LCT: variants seen among roughly 807,000 people sequenced by gnomAD.
LCT encodes lactase/phlorizin hydrolase.
In LCT, 90 loss-of-function variants were observed where a neutral mutation model predicts 173.0. The observed-to-expected ratio is 0.52, with a 90% CI of 0.44 to 0.62. The LOEUF (loss-of-function observed/expected upper bound fraction) is 0.62. Among genes scored for constraint, LCT ranks in the 20% least tolerant of loss-of-function variants. The pLI is 0.00. For synonymous variants in LCT, 853 were observed against 957.6 expected, an observed-to-expected ratio of 0.89 and a Z score of 2.02; for missense variants, 1,864 against 2,431.4, an observed-to-expected ratio of 0.77 and a Z score of 4.91.
chr2:135,835,839 G>C (rs976748602), intron 1 of LCT, among the ~76,000 whole-genome samples: 1 of 150,816 alleles, frequency 6.6e-6, no homozygotes, highest in Admixed American at 6.6e-5. Context: ...TAGGGGAGCC[G>C]AGGGGGAAGG....
intron 10 of LCT, among the ~76,000 whole-genome samples, chr2:135,804,508 C>T (rs1326386025): frequency 6.6e-6 from 1 of 152,132 alleles, no homozygotes; most frequent in African/African-American, 2.4e-5. Flanking sequence ...ACAGTGAAAC[C>T]CCGTCTCTAC....
rs1026967156 is a variant in LCT, at chr2:135,802,899, G to A, written c.4663+1031C>T. Among the ~76,000 whole-genome samples the A allele has an allele frequency of 7.2e-5, 11 of 152,138 alleles. No individual in the cohort carries two copies. In the South Asian group the frequency reaches 1.2e-3, roughly 17 times the overall value. The stretch of plus-strand genomic sequence containing the variant: ...GGCTGAGGCGGGCGGATTACCTGAG[G>A]TCACGAGTTCGAGACCAGCCTGGCC... On this transcript the variant is annotated intron_variant, in intron 11 of 16. Transcript: ENST00000264162.
chr2:135,836,704 T>G lies in LCT; in HGVS notation c.466A>C (p.Thr156Pro). 6.2e-7 allele frequency: 1 copy of G among 1,614,154 alleles called. No individual in the cohort carries two copies. ...AFADLFADYA[T>P]FAFHSFGDLV... ...TCCCCGAAGGAGTGGAAGGCGAATG[T>G]GGCATAGTCGGCGAAGAGGTCAGCA... Residue 156 changes from threonine to proline, a missense_variant, in exon 1 of 17, where the codon ACA becomes CCA. Thr to Pro is a conservative substitution (Grantham distance 38). Around this residue, in one of 4 missense-constraint regions of LCT, gnomAD observed 412 missense variants for 462.0 expected, o/e 0.89. Transcript: ENST00000264162.
rs201668742 is a variant in LCT, at chr2:135,808,516, C to T, written c.3831G>A (p.Gly1277=). ...IPIYITENGV[G]LTNPNTEDTD... ...TATCCTCCGTGTTCGGATTGGTCAG[C>T]CCCACTCCGTTTTCGGTGATGTAAA... The change falls in exon 8 of 17, where the codon GGG becomes GGA. Residue 1277 remains glycine, a synonymous_variant. Coordinates refer to ENST00000264162, the MANE Select transcript of LCT (RefSeq NM_002299.4). 26 of 1,614,188 alleles carry T rather than the reference C, an allele frequency of 1.6e-5. No individual in the cohort carries two copies. The East Asian group carries it at 4.5e-4, about 28-fold the overall frequency.
At position 135,804,728 on chromosome 2, in the gene LCT, ATGTGGACT is replaced by A. The variant is rs763882561; in HGVS notation, c.4464+31_4464+38del. On this transcript the variant is annotated intron_variant, in intron 10 of 16. Transcript: ENST00000264162. Reference sequence around the variant, plus strand: ...CTCCCCCAGCCCTGCTGGTTCCTGCATGTGGACTTTCCCAAGGCCTTGCCAGGACCCAC... The same window carrying A: ...CTCCCCCAGCCCTGCTGGTTCCTGCATTCCCAAGGCCTTGCCAGGACCCAC... 3.1e-6 allele frequency: 5 copies of A among 1,596,654 alleles called. No homozygotes were observed. In the East Asian group the frequency reaches 8.9e-5, roughly 28 times the overall value.
Position 135,824,278 on chromosome 2 carries a change from A to G in LCT, c.805-275T>C, listed in dbSNP as rs1470457. Among the ~76,000 whole-genome samples, 59,179 of 152,044 alleles carry G rather than the reference A, an allele frequency of 0.39. 13,293 individuals carry two copies. Among genetic ancestry groups the G allele is most frequent in the Middle Eastern group, 0.7 (206 of 294 alleles). ...ACCTCTTAGAGCCAGGCACGGTGTT[A>G]GGATCAGGAACAAGGCCACTGCTCA... On this transcript the variant is annotated intron_variant, in intron 3 of 16. Coordinates refer to ENST00000264162, the MANE Select transcript of LCT (RefSeq NM_002299.4).
At chr2:135,804,336 C>T (rs750797403) in intron 10 of LCT, among the ~76,000 whole-genome samples, 10 of 152,150 alleles carry the variant, frequency 6.6e-5, no homozygotes, top group Non-Finnish European at 1.3e-4. Flanking sequence ...GGGAAGGAAA[C>T]TCTTTTATGC....
chr2:135,836,797 G>A lies in LCT; in HGVS notation c.373C>T (p.Leu125Phe), dbSNP rs1312535036. 1 of 1,614,218 alleles carries A rather than the reference G, an allele frequency of 6.2e-7. No homozygotes were observed. The highest frequency in any genetic ancestry group is 8.5e-7 in the Non-Finnish European group (1 of 1,180,038). Reference sequence around the variant, plus strand: ...TGGTGCAGGATGACCATGGGCTGAAGCCGTGCAGTCTTGAGGGCCTTGAGG... The same window carrying A: ...TGGTGCAGGATGACCATGGGCTGAAACCGTGCAGTCTTGAGGGCCTTGAGG... ...RLLKALKTARLQPMVILHHQT... is the reference protein window; with the variant it reads ...RLLKALKTARFQPMVILHHQT... The change falls in exon 1 of 17, where the codon CTT becomes TTT. Residue 125 changes from leucine to phenylalanine, a missense_variant. By Grantham distance (22) the Leu-to-Phe change is conservative (BLOSUM62 0). This residue lies in a region of LCT where 412 missense variants were observed against 462.0 expected (regional missense o/e 0.89). Transcript: ENST00000264162.
chr2:135,821,645 T>A (rs1214780313), intron 5 of LCT: 1 of 279,860 alleles, frequency 3.6e-6, no homozygotes, highest in East Asian at 9.6e-5. Context: ...TATGCCTGGC[T>A]AATTTTTGTA....
At position 135,812,527 on chromosome 2, in the gene LCT, C is replaced by T. The variant is rs371436630; in HGVS notation, c.2137G>A (p.Val713Met). The T allele has an allele frequency of 3.1e-6, 5 of 1,613,960 alleles. No homozygotes were observed. Among genetic ancestry groups the T allele is most frequent in the African/African-American group, 2.7e-5 (2 of 74,926 alleles). ...GAGGTCTGGGGCCACACATGGTTCA[C>T]GTGTTGGGAGAAGCCTCCAATGGTA... The part of the protein sequence containing the change: ...YDTIGGFSQH[V>M]NHVWPQTSSS... The change falls in exon 7 of 17, where the codon GTG becomes ATG. Residue 713 changes from valine (V) to methionine (M), a missense_variant. By Grantham distance (21) the Val-to-Met change is conservative. Transcript: ENST00000264162.
intron 5 of LCT, among the ~76,000 whole-genome samples, chr2:135,819,676 G>A (rs2105545065): frequency 6.6e-6 from 1 of 152,322 alleles, no homozygotes; most frequent in South Asian, 2.1e-4. Flanking sequence ...AGATTAGGGG[G>A]AAAGGGAAAT....
chr2:135,807,541 A>G (rs1050438675), intron 8 of LCT, 145 bp from the exon 9 acceptor site: 1 of 764,812 alleles, frequency 1.3e-6, no homozygotes, highest in African/African-American at 1.7e-5. Context: ...TCATCTGTTG[A>G]TCTTACTTTT....
chr2:135,825,471 C>T (rs757944814), intron 3 of LCT, among the ~76,000 whole-genome samples: 5 of 152,168 alleles, frequency 3.3e-5, no homozygotes, highest in South Asian at 2.1e-4. Context: ...TCCTGAAAGA[C>T]GGATATGCCA....
At chr2:135,805,343 G>A (rs1296831158) in intron 9 of LCT, among the ~76,000 whole-genome samples, 1 of 152,052 alleles carries the variant, frequency 6.6e-6, no homozygotes, top group African/African-American at 2.4e-5. Context: ...TCCTCTGGGA[G>A]CCTGCTCTGG....
chr2:135,829,830 AGT>A (rs60681905), intron 2 of LCT, among the ~76,000 whole-genome samples, 154 bp from the exon 3 acceptor site: 4 of 146,604 alleles, frequency 2.7e-5, no homozygotes, highest in Non-Finnish European at 6.0e-5. Context: ...GGAATGAGAA[AGT>A]GTGTGTGTGT....
intron 3 of LCT, among the ~76,000 whole-genome samples, chr2:135,826,140 T>C (rs1051515012): frequency 1.3e-5 from 2 of 152,204 alleles, no homozygotes; most frequent in African/African-American, 2.4e-5. Context: ...AAGGAATAGA[T>C]AACCATTGCA....
chr2:135,790,348 G>A lies in LCT; in HGVS notation c.5335+310C>T, dbSNP rs1301544444. ...GCAACCACACAGCCTACTCCTCCTG[G>A]GCCCTACCCAGACCATTCTCAGGAG... On this transcript the variant is annotated intron_variant, in intron 15 of 16. Coordinates refer to ENST00000264162, the MANE Select transcript of LCT (RefSeq NM_002299.4). This position sits in a 1 kb window ranked among gnomAD's most constrained non-coding sequence, Gnocchi z 4.1. 6.6e-6 allele frequency among the ~76,000 whole-genome samples: 1 copy of A among 152,046 alleles called. No individual in the cohort carries two copies. The highest frequency in any genetic ancestry group is 1.5e-5 in the Non-Finnish European group (1 of 67,994).
Position 135,836,009 on chromosome 2 carries a change from TATATATGTATACATA to T in LCT, c.640+506_640+520del, listed in dbSNP as rs1328563032. ...ATATATATATATATATATATATATA[TATATATGTATACATA>T]TTTTTTTTTTTTGAGATTGTGTCTT... On this transcript the variant is annotated intron_variant, in intron 1 of 16. Transcript: ENST00000264162. 6.8e-4 allele frequency among the ~76,000 whole-genome samples: 11 copies of T among 16,084 alleles called. No individual in the cohort carries two copies. The East Asian group carries it at 7.2e-3, about 11-fold the overall frequency. 10.6% of individuals were successfully genotyped at this position (16,084 alleles called of 152,430 possible).
intron 12 of LCT, among the ~76,000 whole-genome samples, chr2:135,800,367 A>G (rs2077615322): frequency 6.6e-6 from 1 of 152,138 alleles, no homozygotes; most frequent in South Asian, 2.1e-4. Context: ...AGCTGGGACT[A>G]TAGGTGTGTG....
Sources: allele counts gnomAD v4.1 joint callset (sites outside exome capture counted in the v4.1 genomes callset), GRCh38; gene constraint gnomAD v4.1.1; regional missense constraint gnomAD v4.1.1; non-coding constraint Gnocchi (gnomAD v3.1); transcripts MANE v1.5; gene names NCBI Gene and HGNC (gene_info 2026-07-23, HGNC 2026-07-21).